Variants in CYP2F1 observed in about 807,000 individuals in gnomAD.
The protein encoded by CYP2F1 is cytochrome P450 2F1.
Under a neutral mutation model 40.4 loss-of-function variants are expected in CYP2F1, and 33 were observed. That is an observed-to-expected ratio of 0.82 (90% confidence interval 0.62 to 1.09). The LOEUF (loss-of-function observed/expected upper bound fraction) is 1.09, where lower values mean the gene tolerates loss of function less well. Among genes scored for constraint, CYP2F1 ranks in the 50% least tolerant of loss-of-function variants. The probability of loss-of-function intolerance (pLI) is 0.00; values close to 1 mark genes in which losing one functional copy is unlikely to be tolerated. For synonymous variants in CYP2F1, 235 were observed against 277.2 expected (o/e 0.85, Z 1.51); for missense variants, 566 against 655.7 (o/e 0.86, Z 1.49).
intron 3 of CYP2F1, among the ~76,000 whole-genome samples, chr19:41,118,044 T>A (rs571734637): frequency 6.6e-6 from 1 of 152,110 alleles, no homozygotes; most frequent in African/African-American, 2.4e-5. Flanking sequence ...GAGACTGGGT[T>A]TCACCATGTT....
At position 41,116,636 on chromosome 19, in the gene CYP2F1, T is replaced by C; in HGVS notation, c.334+19T>C. On this transcript the variant is annotated intron_variant, in intron 3 of 9. Transcript: ENST00000331105. ...GGCAATGGTAAGCCTCGTCCTTGTC[T>C]CCTCCGCTCTCGGCCTTTTCCATAT... The C allele has an allele frequency of 6.2e-7, 1 of 1,611,948 alleles. No homozygotes were observed. Among genetic ancestry groups the C allele is most frequent in the Non-Finnish European group, 8.5e-7 (1 of 1,179,178 alleles).
Position 41,128,036 on chromosome 19 carries a change from T to C in CYP2F1, c.1430T>C (p.Leu477Pro). 6.2e-7 allele frequency: 1 copy of C among 1,611,286 alleles called. No individual in the cohort carries two copies. The highest frequency in any genetic ancestry group is 8.5e-7 in the Non-Finnish European group (1 of 1,179,038). The change falls in exon 10 of 10, where the codon CTT becomes CCT. Residue 477 changes from leucine to proline, a missense_variant. Leu to Pro is a moderately conservative substitution (Grantham distance 98). Coordinates refer to ENST00000331105, the MANE Select transcript of CYP2F1 (RefSeq NM_000774.5). ...GACCTGACCCCACTCAGCTCAGGTC[T>C]TGGCAATTTGCCGCGGCCTTTCCAG... ...DIDLTPLSSG[L>P]GNLPRPFQLC...
chr19:41,123,172 C>T, intron 7 of CYP2F1: 1 of 692,514 alleles, frequency 1.4e-6, no homozygotes, highest in Non-Finnish European at 2.6e-6. Context: ...ACCCAGATCC[C>T]ACCCGCTTAA....
At chr19:41,126,032 C>G (rs1033531105) in intron 9 of CYP2F1, among the ~76,000 whole-genome samples, 9 of 152,004 alleles carry the variant, frequency 5.9e-5, no homozygotes, top group African/African-American at 2.2e-4. Flanking sequence ...ACTCTGGAGG[C>G]TGAGACAGGA....
Position 41,124,734 on chromosome 19 carries a change from A to T in CYP2F1, c.980A>T (p.Glu327Val). 6.2e-7 allele frequency: 1 copy of T among 1,603,158 alleles called. No homozygotes were observed. Among genetic ancestry groups the T allele is most frequent in the Admixed American group, 1.7e-5 (1 of 59,898 alleles). Residue 327 changes from glutamate to valine, a missense_variant, in exon 8 of 10, where the codon GAG becomes GTG. Physicochemically the swap from Glu to Val is moderately radical, Grantham distance 121. Transcript: ENST00000331105. ...YPKVQARVQE[E>V]IDLVVGRARL... ...TCCTCTCCAGCCCGCGTGCAGGAGG[A>T]GATCGACCTCGTGGTGGGACGCGCG...
At chr19:41,123,850 G>GAGTGCGTCA (rs1317545772) in intron 7 of CYP2F1, among the ~76,000 whole-genome samples, 1 of 151,982 alleles carries the variant, frequency 6.6e-6, no homozygotes, top group Non-Finnish European at 1.5e-5. Flanking sequence ...GCTTTGTGCC[G>GAGTGCGTCA]AGTGCGTCAA....
chr19:41,124,252 C>G (rs1404694575), intron 7 of CYP2F1, among the ~76,000 whole-genome samples: 14 of 102,134 alleles, frequency 1.4e-4, no homozygotes, highest in East Asian at 3.3e-4. Context: ...TCTTCCCCCC[C>G]CCCTTTTTTT....
In CYP2F1 at chr19:41,121,611, G is replaced by A. The variant is rs761168951; in HGVS notation, c.638G>A (p.Trp213Ter). 27 of 1,609,614 alleles carry A rather than the reference G, an allele frequency of 1.7e-5. No individual in the cohort carries two copies. The highest frequency in any genetic ancestry group is 2.1e-5 in the Non-Finnish European group (25 of 1,179,520). The change falls in exon 5 of 10, where the codon TGG becomes TAG. Residue 213 changes from tryptophan to a stop codon, truncating the protein, a stop_gained. Coordinates refer to ENST00000331105, the MANE Select transcript of CYP2F1 (RefSeq NM_000774.5). LOFTEE classifies it high-confidence loss of function. ...AACTTCCAAATCATGAGCAGCCCCT[G>A]GGGCGAGGTCAGCCAACTGAGTCCA... ...NDNFQIMSSP[W>*]GELYDIFPSL...
chr19:41,122,988 T>A (rs1599680122), intron 7 of CYP2F1, 25 bp downstream of exon 7: 1 of 1,603,164 alleles, frequency 6.2e-7, no homozygotes, highest in East Asian at 2.3e-5. Flanking sequence ...CACAGCAGCG[T>A]GGAGGTGCCC....
intron 7 of CYP2F1, among the ~76,000 whole-genome samples, chr19:41,124,260 T>C (rs1408524625): frequency 3.0e-5 from 3 of 99,624 alleles, no homozygotes; most frequent in African/African-American, 1.3e-4. Flanking sequence ...CCCCCCTTTT[T>C]TTTTTTTTTT....
At chr19:41,117,169 C>G (rs71358964) in intron 3 of CYP2F1, among the ~76,000 whole-genome samples, 179 of 152,038 alleles carry the variant, frequency 1.2e-3, no homozygotes, top group Middle Eastern at 3.4e-3. Flanking sequence ...CTTGCTCTGT[C>G]ACCCAGGCCG....
At position 41,125,820 on chromosome 19, in the gene CYP2F1, G is replaced by A. The variant is rs28376445; in HGVS notation, c.1294+186G>A. The A allele has an allele frequency of 1.0e-4, 138 of 1,319,644 alleles. No individual in the cohort carries two copies. The African/African-American group carries it at 1.7e-3, about 16-fold the overall frequency. The allele number at this position is 1,319,644 out of a possible 1,614,324, so 81.7% of individuals were successfully genotyped here. ...AGTGACTAAAATCCTCGTGAAGCAA[G>A]GTGGGGAGGTTGATTAATAATTTAA... On this transcript the variant is annotated intron_variant, in intron 9 of 9. Coordinates refer to ENST00000331105, the MANE Select transcript of CYP2F1 (RefSeq NM_000774.5).
chr19:41,124,265 T>TCAC (rs2032416978), intron 7 of CYP2F1, among the ~76,000 whole-genome samples: 1 of 112,120 alleles, frequency 8.9e-6, no homozygotes, highest in Admixed American at 9.0e-5. Flanking sequence ...CTTTTTTTTT[T>TCAC]TTTTTTTTTT....
At position 41,120,401 on chromosome 19, in the gene CYP2F1, A is replaced by G; in HGVS notation, c.389A>G (p.Gln130Arg). ...RWKVLRQFSI[Q>R]ILRNFGMGKR... ...AAGGTCCTGAGACAGTTCTCTATCC[A>G]GATTCTACGGAATTTCGGGATGGGG... The change falls in exon 4 of 10, where the codon CAG (glutamine) becomes CGG (arginine). Residue 130 changes from glutamine to arginine, a missense_variant. By Grantham distance (43) the Gln-to-Arg change is conservative. Transcript: ENST00000331105. 1.2e-6 allele frequency: 2 copies of G among 1,614,014 alleles called. No individual in the cohort carries two copies. The highest frequency in any genetic ancestry group is 4.5e-5 in the East Asian group (2 of 44,878).
chr19:41,123,873 T>C (rs1311957304), intron 7 of CYP2F1, among the ~76,000 whole-genome samples: 1 of 152,014 alleles, frequency 6.6e-6, no homozygotes, highest in African/African-American at 2.4e-5. Flanking sequence ...ACCACATGCG[T>C]CCACCTCCGG....
At position 41,122,016 on chromosome 19, in the gene CYP2F1, C is replaced by G; in HGVS notation, c.705C>G (p.Phe235Leu). 6.2e-7 allele frequency: 1 copy of G among 1,613,198 alleles called. No homozygotes were observed. Among genetic ancestry groups the G allele is most frequent in the Non-Finnish European group, 8.5e-7 (1 of 1,179,718 alleles). Residue 235 changes from phenylalanine to leucine, a missense_variant, in exon 6 of 10, where the codon TTC becomes TTG. Phe to Leu is a conservative substitution (Grantham distance 22). Around this residue, in one of 5 missense-constraint regions of CYP2F1, gnomAD observed 62 missense variants for 105.6 expected, o/e 0.59. Transcript: ENST00000331105. Reference protein sequence around the residue: ...DWVPGPHQRIFQNFKCLRDLI... With the variant: ...DWVPGPHQRILQNFKCLRDLI... ...TGCCTGGGCCGCACCAACGCATCTT[C>G]CAGAACTTCAAGTGCCTGAGAGACC...
intron 3 of CYP2F1, among the ~76,000 whole-genome samples, chr19:41,117,474 T>A (rs902397704): frequency 1.1e-4 from 17 of 151,960 alleles, no homozygotes; most frequent in Non-Finnish European, 2.5e-4. Flanking sequence ...CCCAGCCCCA[T>A]CTCCTAACCC....
chr19:41,119,153 A>G (rs1348099302), intron 3 of CYP2F1, among the ~76,000 whole-genome samples: 1 of 152,174 alleles, frequency 6.6e-6, no homozygotes, highest in Non-Finnish European at 1.5e-5. Context: ...AATGAAGATG[A>G]GTATTCAGGA....
chr19:41,119,573 C>T (rs1467257962), intron 3 of CYP2F1, among the ~76,000 whole-genome samples: 2 of 151,870 alleles, frequency 1.3e-5, no homozygotes, highest in African/African-American at 4.8e-5. Context: ...CCTGTAATCC[C>T]AGCTACTGGG....
Sources: gnomAD v4.1 joint callset for allele counts (sites outside exome capture counted in the v4.1 genomes callset) on GRCh38, gnomAD v4.1.1 for gene constraint, gnomAD v4.1.1 regional missense constraint, MANE v1.5 for transcripts, NCBI Gene and HGNC (gene_info 2026-07-23, HGNC 2026-07-21) for gene names.